APOC3: variants seen among roughly 807,000 people sequenced by gnomAD.
APOC3 encodes apolipoprotein C3, also known as apolipoprotein C-III.
In APOC3, 6 loss-of-function variants were observed where a neutral mutation model predicts 7.3. The observed-to-expected ratio is 0.82, with a 90% CI of 0.45 to 1.61. The LOEUF (loss-of-function observed/expected upper bound fraction) is 1.61. Among genes scored for constraint, APOC3 ranks in the 40% most tolerant of loss-of-function variants. The probability of loss-of-function intolerance (pLI) is 0.01; values close to 1 mark genes in which losing one functional copy is unlikely to be tolerated. For synonymous variants in APOC3, 45 were observed against 51.2 expected (o/e 0.88, Z 0.52); for missense variants, 123 against 124.9 (o/e 0.98, Z 0.07).
chr11:116,831,047 T>G, intron 3 of APOC3, 151 bp downstream of exon 3: 2 of 902,328 alleles, frequency 2.2e-6, no homozygotes, highest in Non-Finnish European at 3.4e-6. Context: ...TCACAGGGCC[T>G]TTGTCAGGCT....
chr11:116,831,063 G>C, intron 3 of APOC3, 167 bp downstream of exon 3: 2 of 830,484 alleles, frequency 2.4e-6, no homozygotes, highest in Non-Finnish European at 3.8e-6. Context: ...AGGCTGCTGC[G>C]GGAGAGATGA....
chr11:116,832,986 T>G lies in APOC3; in HGVS notation c.*102T>G, dbSNP rs1941479657. The G allele has an allele frequency of 3.3e-6, 5 of 1,513,014 alleles. No homozygotes were observed. The highest frequency in any genetic ancestry group is 4.6e-6 in the Non-Finnish European group (5 of 1,096,378). The allele number at this position is 1,513,014 out of a possible 1,614,324, so 93.7% of individuals were successfully genotyped here. A position where few individuals can be genotyped will look rare whatever the true frequency, so the allele number is the denominator to read the frequency against. On this transcript the variant is annotated 3_prime_UTR_variant, in exon 4 of 4. Coordinates refer to ENST00000227667, the MANE Select transcript of APOC3 (RefSeq NM_000040.3). ...GTAGGTTGCTTAAAAGGGACAGTAT[T>G]CTCAGTGCTCTCCTACCCCACCTCA...
chr11:116,830,728 C>T (rs184359086), intron 2 of APOC3, 45 bp from the exon 3 acceptor site: 144 of 1,613,184 alleles, frequency 8.9e-5, no homozygotes, highest in Non-Finnish European at 1.1e-4. Flanking sequence ...GCCCAGGGCT[C>T]GTCCAGAGGC....
chr11:116,832,974 A>C lies in APOC3; in HGVS notation c.*90A>C. On this transcript the variant is annotated 3_prime_UTR_variant, in exon 4 of 4. Transcript: ENST00000227667. ...AGGGCTGCCCCTGTAGGTTGCTTAA[A>C]AGGGACAGTATTCTCAGTGCTCTCC... is the stretch of plus-strand genomic sequence containing the variant. The C allele has an allele frequency of 6.3e-7, 1 of 1,577,082 alleles. No homozygotes were observed. The highest frequency in any genetic ancestry group is 8.7e-7 in the Non-Finnish European group (1 of 1,150,640).
chr11:116,831,956 T>C (rs1181558624), intron 3 of APOC3, among the ~76,000 whole-genome samples: 1 of 152,234 alleles, frequency 6.6e-6, no homozygotes, highest in Non-Finnish European at 1.5e-5. Context: ...ACTCACTTCG[T>C]GCTGTGCAGC....
intron 3 of APOC3, 129 bp from the exon 4 acceptor site, chr11:116,832,635 G>T: frequency 7.3e-7 from 1 of 1,361,162 alleles, no homozygotes; most frequent in African/African-American, 1.4e-5. Flanking sequence ...CAGGGCTGTC[G>T]TCCAGTGAAG....
intron 3 of APOC3, chr11:116,831,237 CTTTCTTT>C (rs1404830389): frequency 0.072 from 11,277 of 156,550 alleles, 490 homozygotes; most frequent in Middle Eastern, 0.1. Context: ...TTCTTTCTTT[CTTTCTTT>C]CTTTCTTTCT....
At chr11:116,830,966 T>C (rs1404418503) in intron 3 of APOC3, 70 bp downstream of exon 3, 1 of 1,446,734 alleles carries the variant, frequency 6.9e-7, no homozygotes, top group African/African-American at 1.5e-5. Flanking sequence ...CCTGCCCTGG[T>C]GAGATCCCAA....
chr11:116,830,530 T>G (rs1461412149), intron 1 of APOC3, 40 bp from the exon 2 acceptor site: 1 of 1,607,824 alleles, frequency 6.2e-7, no homozygotes, highest in African/African-American at 1.3e-5. Context: ...TCCAGAGGCA[T>G]GGGGACCTGG....
chr11:116,831,262 CTT>C (rs1488215484), intron 3 of APOC3, among the ~76,000 whole-genome samples: 1 of 43,282 alleles, frequency 2.3e-5, no homozygotes, highest in Non-Finnish European at 6.0e-5. Context: ...TCTTTCCTTT[CTT>C]TCTTTCCTTT....
rs762766868 is a variant in APOC3 at position 116,830,621 on chromosome 11, G to A, written c.39G>A (p.Ala13=). The part of the protein sequence containing the change: ...PRVLLVVALL[A]LLASARASEA... ...TACTCCTTGTTGTTGCCCTCCTGGC[G>A]CTCCTGGCCTCTGCCCGTAAGCACT... Residue 13 remains alanine, a synonymous_variant, in exon 2 of 4, where the codon GCG becomes GCA. Transcript: ENST00000227667. 22 of 1,613,910 alleles carry A rather than the reference G, an allele frequency of 1.4e-5. No individual in the cohort carries two copies. The highest frequency in any genetic ancestry group is 2.2e-5 in the East Asian group (1 of 44,850).
intron 3 of APOC3, among the ~76,000 whole-genome samples, chr11:116,831,358 CTCTT>C (rs1456993430): frequency 7.9e-6 from 1 of 126,712 alleles, no homozygotes; most frequent in Non-Finnish European, 1.7e-5. Context: ...CTTCCTTTCT[CTCTT>C]TCTTTCTTCT....
Position 116,830,638 on chromosome 11 carries a change from G to A in APOC3, c.55+1G>A, listed in dbSNP as rs138326449. The stretch of plus-strand genomic sequence containing the variant: ...CTCCTGGCGCTCCTGGCCTCTGCCC[G>A]TAAGCACTTGGTGGGACTGGGCTGG... On this transcript the variant is annotated splice_donor_variant, in intron 2 of 3. Coordinates refer to ENST00000227667, the MANE Select transcript of APOC3 (RefSeq NM_000040.3). LOFTEE classifies it high-confidence loss of function. 1.9e-3 allele frequency: 3,140 copies of A among 1,613,856 alleles called. 4 individuals are homozygous for A. Among genetic ancestry groups the A allele is most frequent in the Non-Finnish European group, 2.3e-3 (2,746 of 1,179,962 alleles).
chr11:116,831,254 T>C (rs868066005), intron 3 of APOC3, among the ~76,000 whole-genome samples: 3 of 88,148 alleles, frequency 3.4e-5, no homozygotes, highest in East Asian at 3.2e-4. Flanking sequence ...TCTTTCTTTC[T>C]TTCCTTTCTT....
Position 116,831,285 on chromosome 11 carries a change from T to TTTCTTTCTTTTC in APOC3, c.179+399_179+400insTCTTCTTTCTTT, listed in dbSNP as rs1565336595. On this transcript the variant is annotated intron_variant, in intron 3 of 3. Coordinates refer to ENST00000227667, the MANE Select transcript of APOC3 (RefSeq NM_000040.3). ...TTCTTTCTTTCCTTTCTTTCTTTCCTTTCTTTCTTTCTTTCCTTTCTTTCT... is the reference window on the plus strand; with the variant it reads ...TTCTTTCTTTCCTTTCTTTCTTTCCTTTCTTTCTTTTCTTCTTTCTTTCTTTCCTTTCTTTCT... Among the ~76,000 whole-genome samples the TTTCTTTCTTTTC allele has an allele frequency of 1.1e-3, 72 of 66,306 alleles. 1 individual carries two copies. Among genetic ancestry groups the TTTCTTTCTTTTC allele is most frequent in the East Asian group, 3.1e-3 (7 of 2,248 alleles). 43.5% of individuals were successfully genotyped at this position (66,306 alleles called of 152,430 possible). A position where few individuals can be genotyped will look rare whatever the true frequency, so the allele number is the denominator to read the frequency against.
In APOC3 at chr11:116,830,626, T is replaced by C; in HGVS notation, c.44T>C (p.Leu15Pro). 2 of 1,613,928 alleles carry C rather than the reference T, an allele frequency of 1.2e-6. No individual in the cohort carries two copies. The highest frequency in any genetic ancestry group is 1.7e-6 in the Non-Finnish European group (2 of 1,179,980). Residue 15 changes from leucine to proline, a missense_variant, in exon 2 of 4, where the codon CTG (leucine) becomes CCG (proline). Leu to Pro is a moderately conservative substitution (Grantham distance 98). Transcript: ENST00000227667. Reference sequence around the variant, plus strand: ...CTTGTTGTTGCCCTCCTGGCGCTCCTGGCCTCTGCCCGTAAGCACTTGGTG... The same window carrying C: ...CTTGTTGTTGCCCTCCTGGCGCTCCCGGCCTCTGCCCGTAAGCACTTGGTG... Reference protein sequence around the residue: ...VLLVVALLALLASARASEAED... With the variant: ...VLLVVALLALPASARASEAED...
Position 116,830,628 on chromosome 11 carries a change from G to C in APOC3, c.46G>C (p.Ala16Pro), listed in dbSNP as rs1941435510. The change falls in exon 2 of 4, where the codon GCC becomes CCC. Residue 16 changes from alanine (A) to proline (P), a missense_variant. By Grantham distance (27) the Ala-to-Pro change is conservative. Transcript: ENST00000227667. ...LLVVALLALL[A>P]SARASEAEDA... ...TGTTGTTGCCCTCCTGGCGCTCCTG[G>C]CCTCTGCCCGTAAGCACTTGGTGGG... The C allele has an allele frequency of 6.2e-7, 1 of 1,613,916 alleles. No individual in the cohort carries two copies. The highest frequency in any genetic ancestry group is 8.5e-7 in the Non-Finnish European group (1 of 1,179,994).
chr11:116,830,544 G>A, intron 1 of APOC3, 26 bp from the exon 2 acceptor site: 2 of 1,612,714 alleles, frequency 1.2e-6, no homozygotes, highest in Non-Finnish European at 1.7e-6. Flanking sequence ...GACCTGGGGT[G>A]CCCCTCACAG....
intron 2 of APOC3, 61 bp from the exon 3 acceptor site, chr11:116,830,712 G>A (rs1202102517): frequency 1.2e-6 from 2 of 1,613,002 alleles, no homozygotes; most frequent in Middle Eastern, 1.6e-4. Flanking sequence ...GGGTGGTCAA[G>A]CAGGAGCCCA....
Sources: allele counts gnomAD v4.1 joint callset (sites outside exome capture counted in the v4.1 genomes callset), GRCh38; gene constraint gnomAD v4.1.1; transcripts MANE v1.5; gene names NCBI Gene and HGNC (gene_info 2026-07-23, HGNC 2026-07-21).